Variants in TNRC6C observed in about 807,000 individuals in gnomAD.
The protein encoded by TNRC6C is trinucleotide repeat-containing gene 6C protein.
Under a neutral mutation model 153.7 loss-of-function variants are expected in TNRC6C, and 20 were observed. The ratio of observed to expected loss-of-function variants is 0.13; its 90% CI spans 0.09 to 0.19. The LOEUF (loss-of-function observed/expected upper bound fraction) is 0.19, where lower values mean the gene tolerates loss of function less well. TNRC6C is among the 10% of genes least tolerant of loss of function. The pLI is 1.00. For synonymous variants in TNRC6C, 811 were observed against 841.4 expected (o/e 0.96, Z 0.63); for missense variants, 1,987 against 2,172.0 (o/e 0.91, Z 1.69).
chr17:78,018,457 G>C (rs527813793), intron 1 of TNRC6C, among the ~76,000 whole-genome samples: 7 of 152,074 alleles, frequency 4.6e-5, no homozygotes, highest in Non-Finnish European at 7.4e-5. Context: ...ATAATACTCA[G>C]TATTCACAGT....
chr17:78,106,215 C>A (rs765287772), exon 20 of TNRC6C: 1 of 151,120 alleles, frequency 6.6e-6, no homozygotes, highest in Non-Finnish European at 1.5e-5. Context: ...CTTTTTTTCT[C>A]CTTCAGACTT....
intron 13 of TNRC6C, among the ~76,000 whole-genome samples, chr17:78,089,111 G>T (rs1258592708): frequency 6.6e-6 from 1 of 151,796 alleles, no homozygotes; most frequent in Non-Finnish European, 1.5e-5. Flanking sequence ...GGGATTACAG[G>T]CATGCATCAC....
intron 3 of TNRC6C, among the ~76,000 whole-genome samples, chr17:78,053,790 G>A (rs2072587387): frequency 6.6e-6 from 1 of 152,122 alleles, no homozygotes; most frequent in Admixed American, 6.5e-5. Flanking sequence ...CCAGCTACTT[G>A]GGAGGCTGAG....
chr17:78,082,147 G>A (rs1567957206), intron 10 of TNRC6C, among the ~76,000 whole-genome samples: 5 of 149,946 alleles, frequency 3.3e-5, no homozygotes, highest in Admixed American at 1.3e-4. Flanking sequence ...TTGGCAGGTC[G>A]AGAAATAAAA....
exon 3 of TNRC6C, chr17:78,050,435 C>G (rs1450719318): frequency 1.2e-6 from 2 of 1,614,046 alleles, no homozygotes; most frequent in Admixed American, 1.7e-5. Context: ...AAGCAAAACA[C>G]TGCCTGGGAA....
chr17:77,964,514 A>G (rs1422581974), intron 1 of TNRC6C, among the ~76,000 whole-genome samples: 1 of 152,202 alleles, frequency 6.6e-6, no homozygotes, highest in African/African-American at 2.4e-5. Flanking sequence ...TAAGAATAAG[A>G]TCTCTCACAG....
At chr17:78,063,278 A>G (rs924829240) in intron 3 of TNRC6C, among the ~76,000 whole-genome samples, 1 of 148,696 alleles carries the variant, frequency 6.7e-6, no homozygotes, top group Admixed American at 6.8e-5. Context: ...TAATATATAT[A>G]TATGTATAAT....
intron 1 of TNRC6C, among the ~76,000 whole-genome samples, chr17:77,985,226 TGCTA>T (rs1187406296): frequency 6.6e-6 from 1 of 152,162 alleles, no homozygotes; most frequent in Non-Finnish European, 1.5e-5. Flanking sequence ...CTTGTTTCCT[TGCTA>T]GCTGTCAGAG....
intron 16 of TNRC6C, chr17:78,097,849 C>A (rs1567966871): frequency 6.5e-7 from 1 of 1,547,170 alleles, no homozygotes; most frequent in Non-Finnish European, 8.7e-7. Context: ...TGCATCCGCA[C>A]CTAGTGTTGC....
At position 77,993,802 on chromosome 17, in the gene TNRC6C, A is replaced by C. The variant is rs958950032; in HGVS notation, c.-37-10368A>C. On this transcript the variant is annotated intron_variant, in intron 1 of 22. Transcript: ENST00000636222. The stretch of plus-strand genomic sequence containing the variant: ...TGAAATTTAAGTTTTTACATTTCAC[A>C]TTTTTAATGTGAAATATTGACAAGC... Among the ~76,000 whole-genome samples the C allele has an allele frequency of 2.0e-5, 3 of 152,132 alleles. No homozygotes were observed. The South Asian group carries it at 6.2e-4, about 32-fold the overall frequency.
Position 78,104,109 on chromosome 17 carries a change from T to G in TNRC6C, c.4713-376T>G, listed in dbSNP as rs1381314370. On this transcript the variant is annotated intron_variant, in intron 19 of 19. Coordinates refer to ENST00000301624, the Ensembl canonical transcript of TNRC6C. This position sits in a 1 kb window ranked among gnomAD's most constrained non-coding sequence, Gnocchi z 6.2. ...CAGCAGTGGTCCTCACAGCCAACCCTTCACCCTAGTGAAAGGTTGCTTTTG... is the reference window on the plus strand; with the variant it reads ...CAGCAGTGGTCCTCACAGCCAACCCGTCACCCTAGTGAAAGGTTGCTTTTG... Among the ~76,000 whole-genome samples, 3 of 152,180 alleles carry G rather than the reference T, an allele frequency of 2.0e-5. No homozygotes were observed. The highest frequency in any genetic ancestry group is 4.4e-5 in the Non-Finnish European group (3 of 68,020).
At chr17:78,097,325 A>C (rs1286497378) in intron 16 of TNRC6C, among the ~76,000 whole-genome samples, 1 of 152,250 alleles carries the variant, frequency 6.6e-6, no homozygotes, top group Non-Finnish European at 1.5e-5. Flanking sequence ...TTGTAATAAA[A>C]GGCTTGGAGT....
intron 17 of TNRC6C, 55 bp downstream of exon 20, chr17:78,098,592 C>A: frequency 6.4e-7 from 1 of 1,552,674 alleles, no homozygotes; most frequent in Non-Finnish European, 8.7e-7. Flanking sequence ...AGGGGATGTG[C>A]TTATCACTTT....
chr17:77,997,900 C>A (rs1485903125), intron 1 of TNRC6C, among the ~76,000 whole-genome samples: 1 of 152,108 alleles, frequency 6.6e-6, no homozygotes, highest in Non-Finnish European at 1.5e-5. Flanking sequence ...GTGATCCACC[C>A]ACCTCGGCCT....
intron 15 of TNRC6C, 72 bp from the exon 18 acceptor site, chr17:78,093,548 A>G (rs2073429652): frequency 3.8e-6 from 6 of 1,571,258 alleles, no homozygotes; most frequent in African/African-American, 2.7e-5. Flanking sequence ...AGGACAAAAC[A>G]TCTTTTAAAA....
At chr17:77,992,630 T>C (rs905614297) in intron 1 of TNRC6C, among the ~76,000 whole-genome samples, 3 of 152,210 alleles carry the variant, frequency 2.0e-5, no homozygotes, top group Non-Finnish European at 4.4e-5. Context: ...GCTTTTTGGC[T>C]GTCAAGAGGC....
chr17:77,994,406 T>C (rs1313005057), intron 1 of TNRC6C, among the ~76,000 whole-genome samples: 1 of 152,206 alleles, frequency 6.6e-6, no homozygotes, highest in East Asian at 1.9e-4. Context: ...GCCCAGGTCT[T>C]GTATGCTCAC....
chr17:78,014,423 C>T (rs913206997), intron 1 of TNRC6C, among the ~76,000 whole-genome samples: 1 of 152,034 alleles, frequency 6.6e-6, no homozygotes, highest in East Asian at 1.9e-4. Context: ...AACATATGCT[C>T]TTAGCGGCAT....
intron 3 of TNRC6C, among the ~76,000 whole-genome samples, chr17:78,054,407 C>T (rs1391726081): frequency 6.6e-6 from 1 of 151,076 alleles, no homozygotes; most frequent in Non-Finnish European, 1.5e-5. Context: ...GAGTACTGTG[C>T]ACTACTATAC....
Sources: gnomAD v4.1 joint callset for allele counts (sites outside exome capture counted in the v4.1 genomes callset) on GRCh38, gnomAD v4.1.1 for gene constraint, Gnocchi (gnomAD v3.1) non-coding constraint, MANE v1.5 for transcripts, NCBI Gene and HGNC (gene_info 2026-07-23, HGNC 2026-07-21) for gene names.